Variants in AGBL4 observed in about 807,000 individuals in gnomAD.
The protein encoded by AGBL4 is cytosolic carboxypeptidase 6.
A neutral mutation model predicts 66.4 loss-of-function variants in AGBL4; 58 were observed. The observed-to-expected ratio is 0.87, with a 90% CI of 0.71 to 1.09. The LOEUF is 1.09. Among genes scored for constraint, AGBL4 ranks in the 50% least tolerant of loss-of-function variants. The pLI is 0.00. For synonymous variants in AGBL4, 234 were observed against 222.9 expected (o/e 1.05, Z -0.44); for missense variants, 579 against 631.0 (o/e 0.92, Z 0.88).
At chr1:49,928,533 G>A (rs1346900866) in intron 1 of AGBL4, among the ~76,000 whole-genome samples, 1 of 152,142 alleles carries the variant, frequency 6.6e-6, no homozygotes, top group East Asian at 1.9e-4. Flanking sequence ...ACAGGCGTGA[G>A]CCACCGCACC....
intron 6 of AGBL4, among the ~76,000 whole-genome samples, chr1:48,705,895 A>G (rs1646874542): frequency 6.6e-6 from 1 of 152,206 alleles, no homozygotes; most frequent in Non-Finnish European, 1.5e-5. Flanking sequence ...AAACATTCCA[A>G]TTTAAAGCAA....
chr1:48,980,291 A>G (rs1444943904), intron 5 of AGBL4, among the ~76,000 whole-genome samples: 4 of 152,184 alleles, frequency 2.6e-5, no homozygotes, highest in African/African-American at 9.7e-5. Flanking sequence ...GAGAGCATTT[A>G]GTACAGGTCC....
At chr1:49,200,124 C>T (rs183646356) in intron 4 of AGBL4, among the ~76,000 whole-genome samples, 1 of 152,250 alleles carries the variant, frequency 6.6e-6, no homozygotes, top group East Asian at 1.9e-4. Flanking sequence ...AGGCAGGGTG[C>T]CTCCTGCATC....
intron 5 of AGBL4, among the ~76,000 whole-genome samples, chr1:49,011,026 A>C (rs1304503403): frequency 1.3e-5 from 2 of 152,264 alleles, no homozygotes; most frequent in East Asian, 1.9e-4. Context: ...CAAAATTGAC[A>C]AATGGGATCT....
chr1:49,724,445 C>T (rs1464297375), intron 2 of AGBL4, among the ~76,000 whole-genome samples: 1 of 152,078 alleles, frequency 6.6e-6, no homozygotes. Flanking sequence ...AGGTTTTATG[C>T]TCTCATAGAG....
intron 1 of AGBL4, chr1:49,995,406 G>A (rs1475386498): frequency 2.5e-6 from 1 of 403,026 alleles, no homozygotes; most frequent in Non-Finnish European, 5.0e-6. Context: ...CCTGTATGAT[G>A]CAGAAGAGGC....
At chr1:49,296,849 T>A (rs1644653046) in intron 3 of AGBL4, among the ~76,000 whole-genome samples, 1 of 152,238 alleles carries the variant, frequency 6.6e-6, no homozygotes, top group Non-Finnish European at 1.5e-5. Context: ...GTCAATGTCA[T>A]AAATGCAGTG....
chr1:49,062,516 A>G (rs1644421364), intron 4 of AGBL4, among the ~76,000 whole-genome samples: 1 of 152,240 alleles, frequency 6.6e-6, no homozygotes, highest in South Asian at 2.1e-4. Context: ...GAATTCATTG[A>G]ATTAATGAAT....
At chr1:49,549,920 T>C (rs188392981) in intron 3 of AGBL4, among the ~76,000 whole-genome samples, 68 of 152,316 alleles carry the variant, frequency 4.5e-4, no homozygotes, top group Admixed American at 4.4e-3. Context: ...GTCTATATCA[T>C]TTCTTAGGTC....
At chr1:49,985,409 G>T (rs1659417318) in intron 1 of AGBL4, among the ~76,000 whole-genome samples, 1 of 152,160 alleles carries the variant, frequency 6.6e-6, no homozygotes, top group Non-Finnish European at 1.5e-5. Context: ...TAACTTTAGA[G>T]AGTGTATTTT....
At position 49,889,968 on chromosome 1, in the gene AGBL4, A is replaced by T. The variant is rs917940027; in HGVS notation, c.35-38450T>A. ...CAGATTATGCTTATATCATTTCAAT[A>T]AGTTTAAAGAGGTGAAAATTACACG... On this transcript the variant is annotated intron_variant, in intron 1 of 13. Transcript: ENST00000371839. Among the ~76,000 whole-genome samples, 14 of 152,188 alleles carry T rather than the reference A, an allele frequency of 9.2e-5. 1 individual carries two copies. Among genetic ancestry groups the T allele is most frequent in the African/African-American group, 3.4e-4 (14 of 41,460 alleles).
At chr1:48,673,496 C>A (rs1465450031) in intron 6 of AGBL4, among the ~76,000 whole-genome samples, 1 of 152,208 alleles carries the variant, frequency 6.6e-6, no homozygotes, top group Non-Finnish European at 1.5e-5. Flanking sequence ...CAAATCCCCA[C>A]TGGCATTTTT....
intron 2 of AGBL4, among the ~76,000 whole-genome samples, chr1:49,701,250 C>T (rs1647086679): frequency 6.6e-6 from 1 of 151,612 alleles, no homozygotes; most frequent in Admixed American, 6.6e-5. Flanking sequence ...CAAGATGGCG[C>T]CACTGCACTC....
chr1:49,955,638 G>A (rs1296298046), intron 1 of AGBL4, among the ~76,000 whole-genome samples: 3 of 151,840 alleles, frequency 2.0e-5, no homozygotes, highest in Non-Finnish European at 2.9e-5. Flanking sequence ...GAAATAAGTA[G>A]GGTAGAGCTC....
intron 4 of AGBL4, among the ~76,000 whole-genome samples, chr1:49,135,436 G>GAC (rs370062363): frequency 1.3e-5 from 2 of 152,176 alleles, no homozygotes; most frequent in Admixed American, 6.6e-5. Flanking sequence ...AGGAATTAAA[G>GAC]ACACACACAC....
At chr1:48,595,014 A>G (rs1353129590) in intron 9 of AGBL4, among the ~76,000 whole-genome samples, 1 of 152,202 alleles carries the variant, frequency 6.6e-6, no homozygotes, top group Non-Finnish European at 1.5e-5. Flanking sequence ...GACTGATGTA[A>G]GAGAGAAGTG....
At chr1:48,838,583 A>G (rs981592062) in intron 6 of AGBL4, among the ~76,000 whole-genome samples, 1 of 152,160 alleles carries the variant, frequency 6.6e-6, no homozygotes, top group Non-Finnish European at 1.5e-5. Flanking sequence ...CCATGAAACT[A>G]CTAGAAGAAA....
chr1:48,711,386 G>A (rs879625324), intron 6 of AGBL4, among the ~76,000 whole-genome samples: 9 of 152,176 alleles, frequency 5.9e-5, no homozygotes, highest in Non-Finnish European at 1.3e-4. Context: ...TCCCATCTGT[G>A]TGAGTTTGTG....
intron 6 of AGBL4, among the ~76,000 whole-genome samples, chr1:48,730,609 G>A (rs907395132): frequency 6.6e-6 from 1 of 152,120 alleles, no homozygotes; most frequent in Non-Finnish European, 1.5e-5. Context: ...GTTTTTGGAG[G>A]AGCCCCCATA....
Sources: gnomAD v4.1 joint callset for allele counts (sites outside exome capture counted in the v4.1 genomes callset) on GRCh38, gnomAD v4.1.1 for gene constraint, MANE v1.5 for transcripts, NCBI Gene and HGNC (gene_info 2026-07-23, HGNC 2026-07-21) for gene names.